Variants in AMD1 observed in about 807,000 individuals in gnomAD.
The protein encoded by AMD1 is S-adenosylmethionine decarboxylase proenzyme.
Under a neutral mutation model 40.2 loss-of-function variants are expected in AMD1, and 11 were observed. The observed-to-expected ratio is 0.27, with a 90% CI of 0.17 to 0.45. AMD1 has a LOEUF of 0.45. Ranked by LOEUF, AMD1 falls within the 20% of genes least tolerant of loss-of-function variation. The pLI is 1.00. For missense variants in AMD1, 257 were observed against 410.2 expected, an observed-to-expected ratio of 0.63 and a Z score of 3.23; for synonymous variants, 121 against 130.8, an observed-to-expected ratio of 0.93 and a Z score of 0.51.
At chr6:110,862,374 T>A in the AMD1 span, among the ~76,000 whole-genome samples, 2 of 151,210 alleles carry the variant, frequency 1.3e-5, no homozygotes. Context: ...CTCTTATTTG[T>A]ATGGGGTATA....
chr6:110,875,767 C>T (rs1785070481), intron 1 of AMD1: 1 of 152,208 alleles, frequency 6.6e-6, no homozygotes, highest in East Asian at 2.0e-4. Context: ...AAGAGGCCTC[C>T]CACCCGCGGC....
At chr6:110,878,902 A>G (rs1785250425) in intron 1 of AMD1, among the ~76,000 whole-genome samples, 1 of 152,210 alleles carries the variant, frequency 6.6e-6, no homozygotes, top group Non-Finnish European at 1.5e-5. Flanking sequence ...CCCCAAACTC[A>G]TGACTTATTT....
intron 1 of AMD1, among the ~76,000 whole-genome samples, chr6:110,887,187 A>G (rs1203838323): frequency 2.0e-5 from 3 of 152,202 alleles, no homozygotes; most frequent in African/African-American, 7.2e-5. Context: ...TAGACAAAGT[A>G]TCCCATTGAA....
the AMD1 span, among the ~76,000 whole-genome samples, chr6:110,827,092 AG>A: frequency 2.0e-5 from 3 of 152,104 alleles, no homozygotes; most frequent in Non-Finnish European, 2.9e-5. Context: ...ATCTGCAAAT[AG>A]CCTATTTCAA....
chr6:110,883,101 G>T (rs1379278465), intron 1 of AMD1, among the ~76,000 whole-genome samples: 1 of 152,110 alleles, frequency 6.6e-6, no homozygotes, highest in Non-Finnish European at 1.5e-5. Context: ...CTCCAGCCTG[G>T]GTGACAGTGA....
the AMD1 span, among the ~76,000 whole-genome samples, chr6:110,818,790 G>A: frequency 6.6e-6 from 1 of 152,170 alleles, no homozygotes; most frequent in East Asian, 1.9e-4. Context: ...CGCCCACCTT[G>A]GCCTCCCAAA....
chr6:110,858,946 G>A, the AMD1 span: 6 of 1,029,320 alleles, frequency 5.8e-6, no homozygotes, highest in Non-Finnish European at 9.3e-6. Flanking sequence ...ACCGACAAGT[G>A]TGACAACTCC....
At chr6:110,862,812 C>T in the AMD1 span, among the ~76,000 whole-genome samples, 7 of 152,086 alleles carry the variant, frequency 4.6e-5, no homozygotes, top group South Asian at 2.1e-4. Flanking sequence ...ATGTTGAAGG[C>T]TCTCCTCAAA....
At chr6:110,856,888 G>T in the AMD1 span, among the ~76,000 whole-genome samples, 1 of 152,190 alleles carries the variant, frequency 6.6e-6, no homozygotes, top group East Asian at 1.9e-4. Context: ...GTCTGGCCAG[G>T]TACAGTGGCT....
chr6:110,821,665 A>T, the AMD1 span, among the ~76,000 whole-genome samples: 5 of 152,178 alleles, frequency 3.3e-5, no homozygotes, highest in Non-Finnish European at 5.9e-5. Context: ...AGAAAAATGT[A>T]ATGCTTTTAA....
At chr6:110,845,594 A>T in the AMD1 span, among the ~76,000 whole-genome samples, 5 of 152,074 alleles carry the variant, frequency 3.3e-5, no homozygotes, top group South Asian at 1.0e-3. Flanking sequence ...TGAGTTTAAT[A>T]CCCTGCTGTT....
In AMD1 at chr6:110,887,502, T is replaced by C; in HGVS notation, c.111-3T>C. On this transcript the variant is annotated splice_polypyrimidine_tract_variant and splice_region_variant and intron_variant, in intron 1 of 8. Transcript: ENST00000368885. ...TAATCGTAACTTTTTTGTTAAATGA[T>C]AGATCTGAGTGGGACATACTTTTGA... is the stretch of plus-strand genomic sequence containing the variant. 6.3e-7 allele frequency: 1 copy of C among 1,594,356 alleles called. No individual in the cohort carries two copies. The highest frequency in any genetic ancestry group is 8.5e-7 in the Non-Finnish European group (1 of 1,172,418).
the AMD1 span, among the ~76,000 whole-genome samples, chr6:110,869,654 C>T: frequency 2.0e-5 from 3 of 151,998 alleles, no homozygotes; most frequent in African/African-American, 7.2e-5. Context: ...GGATTATAGG[C>T]GTGCTCCACC....
chr6:110,868,944 C>G, the AMD1 span, among the ~76,000 whole-genome samples: 1 of 151,538 alleles, frequency 6.6e-6, no homozygotes, highest in Non-Finnish European at 1.5e-5. Flanking sequence ...CCTGCAATCC[C>G]AGCTACTCGG....
the AMD1 span, among the ~76,000 whole-genome samples, chr6:110,820,936 A>T: frequency 6.6e-6 from 1 of 152,152 alleles, no homozygotes; most frequent in African/African-American, 2.4e-5. Flanking sequence ...AATAAATAAA[A>T]TAAGAAACTA....
chr6:110,868,829 A>G, the AMD1 span, among the ~76,000 whole-genome samples: 1 of 151,916 alleles, frequency 6.6e-6, no homozygotes, highest in East Asian at 2.0e-4. Context: ...GCCAAGGTGG[A>G]CAGATCACCT....
At chr6:110,848,169 A>G in the AMD1 span, among the ~76,000 whole-genome samples, 7 of 152,200 alleles carry the variant, frequency 4.6e-5, no homozygotes, top group East Asian at 1.4e-3. Flanking sequence ...GAGCTTGAAA[A>G]GGACAAGGCT....
the AMD1 span, among the ~76,000 whole-genome samples, chr6:110,834,296 G>A: frequency 0.016 from 2,430 of 152,110 alleles, 25 homozygotes; most frequent in Middle Eastern, 0.034. Flanking sequence ...CTATGATCAC[G>A]CCACTGCACT....
At chr6:110,893,416 T>G in intron 8 of AMD1, 60 bp from the exon 9 acceptor site, 1 of 1,591,980 alleles carries the variant, frequency 6.3e-7, no homozygotes, top group East Asian at 2.2e-5. Context: ...CTTAACTGTT[T>G]TGGTTGAAAA....
Sources: allele counts gnomAD v4.1 joint callset (sites outside exome capture counted in the v4.1 genomes callset), GRCh38; gene constraint gnomAD v4.1.1; transcripts MANE v1.5; gene names NCBI Gene and HGNC (gene_info 2026-07-23, HGNC 2026-07-21).